The following CAMTA1 variants were observed in gnomAD, a reference collection of about 807,000 sequenced individuals.
CAMTA1 encodes the protein calmodulin-binding transcription activator 1.
Under a neutral mutation model 170.9 loss-of-function variants are expected in CAMTA1, and 27 were observed. The ratio of observed to expected loss-of-function variants is 0.16; its 90% CI spans 0.12 to 0.22. CAMTA1 has a LOEUF of 0.22. Among genes scored for constraint, CAMTA1 ranks in the 10% least tolerant of loss-of-function variants. The probability of loss-of-function intolerance (pLI) is 1.00; values close to 1 mark genes in which losing one functional copy is unlikely to be tolerated. For missense variants in CAMTA1, 1,619 were observed against 2,217.2 expected (o/e 0.73, Z 5.42); for synonymous variants, 833 against 891.5 (o/e 0.93, Z 1.17).
At chr1:6,883,917 A>C (rs1672360770) in intron 3 of CAMTA1, among the ~76,000 whole-genome samples, 1 of 152,170 alleles carries the variant, frequency 6.6e-6, no homozygotes, top group Admixed American at 6.5e-5. Flanking sequence ...ATGACCATGT[A>C]GTAAGTATAA....
intron 1 of CAMTA1, among the ~76,000 whole-genome samples, chr1:6,787,703 A>C (rs1639816428): frequency 6.6e-6 from 1 of 152,218 alleles, no homozygotes; most frequent in Non-Finnish European, 1.5e-5. Flanking sequence ...TGTAATGTGT[A>C]CTGTACTGAA....
At chr1:7,689,934 T>G (rs967505472) in intron 11 of CAMTA1, among the ~76,000 whole-genome samples, 4 of 151,984 alleles carry the variant, frequency 2.6e-5, no homozygotes, top group Non-Finnish European at 4.4e-5. Flanking sequence ...GAGTTGGGCG[T>G]ATCACCTGAG....
intron 4 of CAMTA1, among the ~76,000 whole-genome samples, chr1:7,209,305 A>G (rs1417512495): frequency 6.6e-6 from 1 of 152,154 alleles, no homozygotes; most frequent in East Asian, 1.9e-4. Context: ...ACTCAGAAAA[A>G]CTGCCAAGTT....
chr1:6,795,245 A>G (rs937896659), intron 1 of CAMTA1, among the ~76,000 whole-genome samples: 4 of 152,156 alleles, frequency 2.6e-5, no homozygotes, highest in African/African-American at 7.2e-5. Context: ...AGAGTGCAGT[A>G]GTGCAATCCA....
chr1:7,603,128 G>A (rs1174267383), intron 6 of CAMTA1, among the ~76,000 whole-genome samples: 2 of 152,234 alleles, frequency 1.3e-5, no homozygotes, highest in African/African-American at 4.8e-5. Context: ...TGGAATAGGT[G>A]TGGTGTGGTG....
At chr1:7,489,003 C>T (rs1393067002) in intron 6 of CAMTA1, among the ~76,000 whole-genome samples, 22 of 152,212 alleles carry the variant, frequency 1.4e-4, no homozygotes, top group Non-Finnish European at 3.2e-4. Flanking sequence ...ACCCCCAGCG[C>T]CACATGGGCT....
chr1:7,234,841 C>T lies in CAMTA1; in HGVS notation c.303-14650C>T, dbSNP rs897382995. ...TCACTTTGTCACCCAGGCTGGAGTG[C>T]GGTGGTGTGATCATAGCTCACTGCA... On this transcript the variant is annotated intron_variant, in intron 4 of 22. Transcript: ENST00000303635. This position sits in a 1 kb window ranked among gnomAD's most constrained non-coding sequence, Gnocchi z 5.0. Among the ~76,000 whole-genome samples, 5 of 145,324 alleles carry T rather than the reference C, an allele frequency of 3.4e-5. No homozygotes were observed. The highest frequency in any genetic ancestry group is 4.0e-4 in the East Asian group (2 of 4,966).
intron 6 of CAMTA1, among the ~76,000 whole-genome samples, chr1:7,603,315 T>C (rs1035579655): frequency 1.3e-5 from 2 of 152,324 alleles, no homozygotes; most frequent in Non-Finnish European, 2.9e-5. Context: ...TGTGTGGGAG[T>C]CTAAGTCTCT....
chr1:7,655,095 C>CACACACCTATAA (rs2095878974), intron 7 of CAMTA1, among the ~76,000 whole-genome samples: 1 of 18,388 alleles, frequency 5.4e-5, no homozygotes, highest in Non-Finnish European at 1.1e-4. Context: ...CACCTATACA[C>CACACACCTATAA]ACACACCTAT....
intron 22 of CAMTA1, among the ~76,000 whole-genome samples, chr1:7,760,197 A>G (rs1296925059): frequency 6.6e-6 from 1 of 152,190 alleles, no homozygotes; most frequent in Non-Finnish European, 1.5e-5. Context: ...TTCAAACAAC[A>G]TATTTTCTTT....
At chr1:7,696,827 A>G (rs1225090190) in intron 11 of CAMTA1, among the ~76,000 whole-genome samples, 1 of 152,130 alleles carries the variant, frequency 6.6e-6, no homozygotes, top group Non-Finnish European at 1.5e-5. Context: ...TACACTCTGC[A>G]CGGGAGGATC....
chr1:6,827,427 T>G (rs954168661), intron 3 of CAMTA1, among the ~76,000 whole-genome samples: 3 of 152,234 alleles, frequency 2.0e-5, no homozygotes, highest in Non-Finnish European at 4.4e-5. Flanking sequence ...TTTTTTCTTG[T>G]TTTATTTTTT....
intron 3 of CAMTA1, among the ~76,000 whole-genome samples, chr1:6,963,211 T>C: frequency 3.3e-5 from 4 of 121,686 alleles, no homozygotes; most frequent in East Asian, 2.7e-4. Context: ...CCCCGCCCCT[T>C]TGGAACTACC....
intron 5 of CAMTA1, among the ~76,000 whole-genome samples, chr1:7,436,842 C>A (rs991518236): frequency 6.6e-6 from 1 of 152,084 alleles, no homozygotes; most frequent in African/African-American, 2.4e-5. Context: ...TGGCTGGGAG[C>A]TGAGGGCCCT....
intron 3 of CAMTA1, among the ~76,000 whole-genome samples, chr1:7,071,058 G>C (rs2147919630): frequency 6.6e-6 from 1 of 152,334 alleles, no homozygotes; most frequent in East Asian, 1.9e-4. Context: ...GAGTGTGCCA[G>C]TCAGAGCCCG....
chr1:7,356,951 G>A (rs555962447), intron 5 of CAMTA1, among the ~76,000 whole-genome samples: 1 of 152,180 alleles, frequency 6.6e-6, no homozygotes, highest in Non-Finnish European at 1.5e-5. Context: ...GTCAGCTGCT[G>A]CTGTGATTGT....
chr1:7,075,408 A>G (rs1639161678), intron 3 of CAMTA1, among the ~76,000 whole-genome samples: 1 of 152,202 alleles, frequency 6.6e-6, no homozygotes, highest in African/African-American at 2.4e-5. Flanking sequence ...ACTCCGTTCC[A>G]TTTGATTAAA....
chr1:7,190,600 G>A (rs527712551), intron 4 of CAMTA1, among the ~76,000 whole-genome samples: 3 of 152,194 alleles, frequency 2.0e-5, no homozygotes, highest in African/African-American at 7.2e-5. Context: ...TACTTGTTAT[G>A]CTTCCAACTG....
intron 5 of CAMTA1, among the ~76,000 whole-genome samples, chr1:7,309,113 T>G (rs1345612933): frequency 6.6e-6 from 1 of 152,122 alleles, no homozygotes; most frequent in Non-Finnish European, 1.5e-5. Context: ...ATATAGCCAC[T>G]CAAACTTTAT....
Sources: allele counts gnomAD v4.1 joint callset (sites outside exome capture counted in the v4.1 genomes callset), GRCh38; gene constraint gnomAD v4.1.1; non-coding constraint Gnocchi (gnomAD v3.1); transcripts MANE v1.5; gene names NCBI Gene and HGNC (gene_info 2026-07-23, HGNC 2026-07-21).